HHIP: variants seen among roughly 807,000 people sequenced by gnomAD.
HHIP encodes hedgehog interacting protein.
Under a neutral mutation model 74.0 loss-of-function variants are expected in HHIP, and 12 were observed. The ratio of observed to expected loss-of-function variants is 0.16; its 90% CI spans 0.10 to 0.26. The LOEUF (loss-of-function observed/expected upper bound fraction) is 0.26, where lower values mean the gene tolerates loss of function less well. Ranked by LOEUF, HHIP falls within the 10% of genes least tolerant of loss-of-function variation. The probability of loss-of-function intolerance (pLI) is 1.00; values close to 1 mark genes in which losing one functional copy is unlikely to be tolerated. For missense variants in HHIP, 788 were observed against 845.0 expected (o/e 0.93, Z 0.84); for synonymous variants, 309 against 311.6 (o/e 0.99, Z 0.09).
At chr4:144,665,415 G>A (rs1728834348) in intron 4 of HHIP, among the ~76,000 whole-genome samples, 1 of 152,102 alleles carries the variant, frequency 6.6e-6, no homozygotes, top group Non-Finnish European at 1.5e-5. Flanking sequence ...GTAATGGCAT[G>A]GCTTTTAATC....
At chr4:144,661,586 A>G (rs1437123764) in intron 4 of HHIP, among the ~76,000 whole-genome samples, 2 of 152,194 alleles carry the variant, frequency 1.3e-5, no homozygotes, top group Non-Finnish European at 2.9e-5. Context: ...CATGCTGCAC[A>G]TGGCCTTTAT....
intron 4 of HHIP, among the ~76,000 whole-genome samples, chr4:144,663,983 G>A (rs1728787147): frequency 1.3e-5 from 2 of 152,168 alleles, no homozygotes; most frequent in South Asian, 4.1e-4. Context: ...TGGCAGGGTG[G>A]CCCCTCAAGG....
At chr4:144,675,430 A>T (rs901757910) in intron 4 of HHIP, among the ~76,000 whole-genome samples, 7 of 152,026 alleles carry the variant, frequency 4.6e-5, no homozygotes, top group African/African-American at 1.4e-4. Flanking sequence ...ATACAATGAA[A>T]TTATCAAACA....
At chr4:144,669,797 G>A (rs971806263) in intron 4 of HHIP, among the ~76,000 whole-genome samples, 3 of 128,682 alleles carry the variant, frequency 2.3e-5, no homozygotes, top group Non-Finnish European at 5.5e-5. Context: ...AAAAATTCTT[G>A]TGGTAAGAGT....
At chr4:144,711,047 C>CCTAT (rs1730282592) in intron 7 of HHIP, among the ~76,000 whole-genome samples, 1 of 28,124 alleles carries the variant, frequency 3.6e-5, no homozygotes, top group African/African-American at 1.1e-4. Context: ...AGTTGCAAGT[C>CCTAT]CTCCCCTTAT....
intron 4 of HHIP, among the ~76,000 whole-genome samples, chr4:144,671,139 G>A (rs1178568970): frequency 6.6e-6 from 1 of 152,138 alleles, no homozygotes; most frequent in Non-Finnish European, 1.5e-5. Context: ...GGATTTGGAA[G>A]ATCAGATGAC....
At chr4:144,672,623 G>A (rs1308916830) in intron 4 of HHIP, among the ~76,000 whole-genome samples, 1 of 152,050 alleles carries the variant, frequency 6.6e-6, no homozygotes, top group African/African-American at 2.4e-5. Context: ...TGAGTGAGAT[G>A]GGGAATCACT....
Position 144,702,595 on chromosome 4 carries a change from G to A in HHIP, c.832-3936G>A, listed in dbSNP as rs535825292. On this transcript the variant is annotated intron_variant, in intron 4 of 12. Transcript: ENST00000296575. Reference sequence around the variant, plus strand: ...CCAGTAGGGCTGTCCAGAAGTTGATGTAGCATTGAAGAGCTGAGCAAAGGG... The same window carrying A: ...CCAGTAGGGCTGTCCAGAAGTTGATATAGCATTGAAGAGCTGAGCAAAGGG... Among the ~76,000 whole-genome samples, 7 of 152,220 alleles carry A rather than the reference G, an allele frequency of 4.6e-5. No homozygotes were observed. The South Asian group carries it at 1.5e-3, about 32-fold the overall frequency.
chr4:144,714,406 T>C (rs1399038685), intron 9 of HHIP, 58 bp downstream of exon 9: 29 of 1,552,860 alleles, frequency 1.9e-5, no homozygotes, highest in Non-Finnish European at 2.5e-5. Context: ...CATTAATCAT[T>C]TGGCAAACTG....
intron 4 of HHIP, among the ~76,000 whole-genome samples, chr4:144,699,602 T>C (rs1300732819): frequency 6.6e-6 from 1 of 152,078 alleles, no homozygotes; most frequent in Non-Finnish European, 1.5e-5. Flanking sequence ...CTTGAAGTTA[T>C]CTAAAAGCCC....
At position 144,677,337 on chromosome 4, in the gene HHIP, G is replaced by A. The variant is rs978748660; in HGVS notation, c.831+17499G>A. 4.6e-5 allele frequency among the ~76,000 whole-genome samples: 7 copies of A among 152,302 alleles called. No homozygotes were observed. In the South Asian group the frequency reaches 6.2e-4, roughly 14 times the overall value. On this transcript the variant is annotated intron_variant, in intron 4 of 12. Coordinates refer to ENST00000296575, the MANE Select transcript of HHIP (RefSeq NM_022475.3). ...AAACCAAACAATTTTACTTTCCCCCGTGTTGGCTTCATTTTTTCGCAGGCT... is the reference window on the plus strand; with the variant it reads ...AAACCAAACAATTTTACTTTCCCCCATGTTGGCTTCATTTTTTCGCAGGCT...
In HHIP at chr4:144,659,216, T is replaced by C. The variant is rs17019597; in HGVS notation, c.629+270T>C. On this transcript the variant is annotated intron_variant, in intron 3 of 12. Transcript: ENST00000296575. Reference sequence around the variant, plus strand: ...TTTTAAGCCTGAATTTTATGATTGTTGTTAGTCTATGGCACTGTGAAAATG... The same window carrying C: ...TTTTAAGCCTGAATTTTATGATTGTCGTTAGTCTATGGCACTGTGAAAATG... Among the ~76,000 whole-genome samples, 950 of 152,352 alleles carry C rather than the reference T, an allele frequency of 6.2e-3. 10 individuals are homozygous for C. The highest frequency in any genetic ancestry group is 0.022 in the African/African-American group (920 of 41,584).
chr4:144,727,729 T>A (rs529437879), intron 11 of HHIP, among the ~76,000 whole-genome samples: 2 of 152,198 alleles, frequency 1.3e-5, no homozygotes. Context: ...TGGAAATATA[T>A]GCATTGAGTT....
rs1166336263 is a variant in HHIP, at chr4:144,708,020, G to A, written c.1158-148G>A. On this transcript the variant is annotated intron_variant, in intron 6 of 12. Coordinates refer to ENST00000296575, the MANE Select transcript of HHIP (RefSeq NM_022475.3). ...GGCTTCCCAAAGTGCTGGGATTACA[G>A]ACGTGAGCCACTGCATCCAGCCACT... is the stretch of plus-strand genomic sequence containing the variant. 1.1e-5 allele frequency: 9 copies of A among 791,098 alleles called. No individual in the cohort carries two copies. In the East Asian group the frequency reaches 2.4e-4, roughly 21 times the overall value. 49.0% of individuals were successfully genotyped at this position (791,098 alleles called of 1,614,324 possible). A position where few individuals can be genotyped will look rare whatever the true frequency, so the allele number is the denominator to read the frequency against.
At chr4:144,647,438 G>T (rs1233250272) in intron 1 of HHIP, among the ~76,000 whole-genome samples, 1 of 152,300 alleles carries the variant, frequency 6.6e-6, no homozygotes. Context: ...CCCCAGCCCC[G>T]TCAGAGGGGG....
At chr4:144,707,655 A>AAAAAAAAAAAAAAAAAAC (rs1446881575) in intron 6 of HHIP, among the ~76,000 whole-genome samples, 1 of 151,164 alleles carries the variant, frequency 6.6e-6, no homozygotes. Context: ...GCAAAAAAAA[A>AAAAAAAAAAAAAAAAAAC]AAAGCAGTGT....
chr4:144,711,540 C>G (rs191118367), intron 7 of HHIP, among the ~76,000 whole-genome samples: 79 of 152,118 alleles, frequency 5.2e-4, no homozygotes, highest in Non-Finnish European at 8.5e-4. Context: ...CTCCCTGTGT[C>G]CATGTGTTCT....
intron 4 of HHIP, among the ~76,000 whole-genome samples, chr4:144,684,891 T>C (rs952194816): frequency 6.6e-6 from 1 of 152,218 alleles, no homozygotes; most frequent in Non-Finnish European, 1.5e-5. Context: ...TGTACACATA[T>C]TTCAAATCCT....
intron 11 of HHIP, among the ~76,000 whole-genome samples, chr4:144,724,619 T>A (rs1182413467): frequency 6.7e-6 from 1 of 149,698 alleles, no homozygotes. Context: ...TTATCATTAT[T>A]TCTGGTGAGA....
Sources: allele counts gnomAD v4.1 joint callset (sites outside exome capture counted in the v4.1 genomes callset), GRCh38; gene constraint gnomAD v4.1.1; transcripts MANE v1.5; gene names NCBI Gene and HGNC (gene_info 2026-07-23, HGNC 2026-07-21).